The following TLK2 variants were observed in gnomAD, a reference collection of about 807,000 sequenced individuals.
TLK2 encodes the protein tousled like kinase 2.
Under a neutral mutation model 117.3 loss-of-function variants are expected in TLK2, and 6 were observed. The observed-to-expected ratio is 0.05, with a 90% CI of 0.03 to 0.10. The LOEUF (loss-of-function observed/expected upper bound fraction) is 0.10. Ranked by LOEUF, TLK2 falls within the 10% of genes least tolerant of loss-of-function variation. The pLI, the probability that TLK2 is intolerant of heterozygous loss-of-function variation, is 1.00. For missense variants in TLK2, 299 were observed against 901.2 expected (o/e 0.33, Z 8.56); for synonymous variants, 257 against 316.7 (o/e 0.81, Z 2.00).
chr17:62,503,620 T>C (rs1284925486), intron 2 of TLK2, among the ~76,000 whole-genome samples: 1 of 152,006 alleles, frequency 6.6e-6, no homozygotes, highest in Non-Finnish European at 1.5e-5. Flanking sequence ...GGTTTTGCCA[T>C]GTTGGCCAGG....
intron 7 of TLK2, among the ~76,000 whole-genome samples, chr17:62,549,398 C>CAAAAAAAAAAAAAAAAA (rs777779302): frequency 2.7e-5 from 1 of 37,124 alleles, no homozygotes; most frequent in African/African-American, 1.0e-4. Context: ...GACTCCATCT[C>CAAAAAAAAAAAAAAAAA]AAAAAAAAAA....
At chr17:62,507,363 C>T (rs1461136717) in intron 2 of TLK2, 2 of 152,126 alleles carry the variant, frequency 1.3e-5, no homozygotes, top group Non-Finnish European at 1.5e-5. Flanking sequence ...ACAGATTTCA[C>T]ATCTGTTTCA....
chr17:62,517,883 AG>A (rs1258467586), intron 2 of TLK2, among the ~76,000 whole-genome samples: 1 of 150,940 alleles, frequency 6.6e-6, no homozygotes, highest in Non-Finnish European at 1.5e-5. Flanking sequence ...ATTTTAGTAT[AG>A]ATGGGATTTC....
intron 17 of TLK2, among the ~76,000 whole-genome samples, chr17:62,598,992 C>G (rs192095359): frequency 1.3e-5 from 2 of 151,992 alleles, no homozygotes; most frequent in African/African-American, 4.8e-5. Context: ...GTTGCCCAGG[C>G]AGTAGTGCAG....
At chr17:62,493,714 G>C (rs928573889) in intron 2 of TLK2, among the ~76,000 whole-genome samples, 20 of 151,792 alleles carry the variant, frequency 1.3e-4, no homozygotes, top group Non-Finnish European at 2.4e-4. Flanking sequence ...TATTGGCCCA[G>C]TAAGTAAGAA....
chr17:62,475,054 AC>A (rs1462765548), upstream of TLK2, among the ~76,000 whole-genome samples: 1 of 152,122 alleles, frequency 6.6e-6, no homozygotes, highest in African/African-American at 2.4e-5. Context: ...TCAAACAACA[AC>A]AAAATCCCCT....
intron 6 of TLK2, among the ~76,000 whole-genome samples, chr17:62,528,031 G>A (rs545638044): frequency 3.9e-5 from 6 of 152,260 alleles, no homozygotes; most frequent in Non-Finnish European, 7.3e-5. Flanking sequence ...ATGAGTCACC[G>A]TGCCCAGCCT....
At chr17:62,589,394 AAG>A (rs2081903833) in intron 16 of TLK2, among the ~76,000 whole-genome samples, 1 of 152,162 alleles carries the variant, frequency 6.6e-6, no homozygotes, top group South Asian at 2.1e-4. Context: ...GTTAACTTAT[AAG>A]AGAGTAAAAG....
chr17:62,586,218 T>C lies in TLK2; in HGVS notation c.1452T>C (p.Asn484=), dbSNP rs377283134. 8 of 1,609,816 alleles carry C rather than the reference T, an allele frequency of 5.0e-6. No homozygotes were observed. Among genetic ancestry groups the C allele is most frequent in the Non-Finnish European group, 6.8e-6 (8 of 1,176,542 alleles). Residue 484 remains asparagine (N), a synonymous_variant, in exon 16 of 22, where the codon AAT becomes AAC. Transcript: ENST00000346027. ...ACTGGAGAGATGAGAAAAAGGAGAATTACCACAAGTAAGTGATACTTGAGT... is the reference window on the plus strand; with the variant it reads ...ACTGGAGAGATGAGAAAAAGGAGAACTACCACAAGTAAGTGATACTTGAGT... ...NKNWRDEKKE[N]YHKHACREYR... is the part of the protein sequence containing the mutation.
chr17:62,558,369 C>G (rs2079018968), intron 9 of TLK2, among the ~76,000 whole-genome samples: 1 of 152,014 alleles, frequency 6.6e-6, no homozygotes, highest in Non-Finnish European at 1.5e-5. Flanking sequence ...TGCCATGTTG[C>G]CGAGGCTGGT....
At chr17:62,570,337 A>G (rs538792241) in intron 11 of TLK2, among the ~76,000 whole-genome samples, 33 of 152,308 alleles carry the variant, frequency 2.2e-4, no homozygotes, top group African/African-American at 7.9e-4. Context: ...TACTTCTGTA[A>G]AATATAGAAG....
intron 2 of TLK2, among the ~76,000 whole-genome samples, chr17:62,516,987 C>G (rs1367954775): frequency 1.3e-5 from 2 of 152,002 alleles, no homozygotes; most frequent in Non-Finnish European, 2.9e-5. Flanking sequence ...CTCACTGCAA[C>G]CTCCACCTTG....
At chr17:62,491,767 G>A (rs2073133444) in intron 2 of TLK2, among the ~76,000 whole-genome samples, 1 of 152,074 alleles carries the variant, frequency 6.6e-6, no homozygotes, top group Non-Finnish European at 1.5e-5. Flanking sequence ...TGTATTTTTA[G>A]TAGAGATGGG....
intron 2 of TLK2, among the ~76,000 whole-genome samples, chr17:62,482,009 G>C (rs1338073449): frequency 6.6e-6 from 1 of 151,890 alleles, no homozygotes; most frequent in African/African-American, 2.4e-5. Context: ...GCAATGGCGT[G>C]ATCTCGGCTC....
intron 19 of TLK2, among the ~76,000 whole-genome samples, chr17:62,603,491 T>G (rs1330580558): frequency 2.0e-5 from 3 of 152,206 alleles, no homozygotes; most frequent in African/African-American, 7.2e-5. Flanking sequence ...GCTATATAAA[T>G]TCACTGGAAT....
intron 7 of TLK2, chr17:62,551,681 G>A (rs1476373571): frequency 6.6e-6 from 1 of 151,864 alleles, no homozygotes; most frequent in Non-Finnish European, 1.5e-5. Context: ...CTCCAGCCTG[G>A]GTGACAGAGC....
intron 2 of TLK2, among the ~76,000 whole-genome samples, chr17:62,505,088 A>G (rs1315169581): frequency 6.6e-6 from 1 of 151,318 alleles, no homozygotes; most frequent in Non-Finnish European, 1.5e-5. Context: ...GATCCACTTG[A>G]CTCAGCCTCC....
At chr17:62,603,858 G>C (rs2147210888) in intron 19 of TLK2, among the ~76,000 whole-genome samples, 1 of 152,204 alleles carries the variant, frequency 6.6e-6, no homozygotes, top group South Asian at 2.1e-4. Context: ...TAGAAATACT[G>C]TCATAATCAC....
At chr17:62,546,432 G>A (rs2077946262) in intron 7 of TLK2, among the ~76,000 whole-genome samples, 1 of 137,618 alleles carries the variant, frequency 7.3e-6, no homozygotes. Flanking sequence ...CATTTCCTCT[G>A]TTCTTTTCTC....
Sources: gnomAD v4.1 joint callset for allele counts (sites outside exome capture counted in the v4.1 genomes callset) on GRCh38, gnomAD v4.1.1 for gene constraint, MANE v1.5 for transcripts, NCBI Gene and HGNC (gene_info 2026-07-23, HGNC 2026-07-21) for gene names.